YTHDC1: variants seen among roughly 807,000 people sequenced by gnomAD.
YTHDC1 encodes the protein YTH domain-containing protein 1.
YTHDC1 carries 12 observed loss-of-function variants against 107.0 expected under a neutral mutation model. The ratio of observed to expected loss-of-function variants is 0.11; its 90% confidence interval spans 0.07 to 0.18. The LOEUF (loss-of-function observed/expected upper bound fraction) is 0.18, where lower values mean the gene tolerates loss of function less well. Among genes scored for constraint, YTHDC1 ranks in the 10% least tolerant of loss-of-function variants. YTHDC1 has a pLI of 1.00. For synonymous variants in YTHDC1, 280 were observed against 289.5 expected (o/e 0.97, Z 0.33); for missense variants, 635 against 898.8 (o/e 0.71, Z 3.75).
At chr4:68,344,032 G>C (rs956218107) in intron 1 of YTHDC1, 6 of 152,004 alleles carry the variant, frequency 3.9e-5, no homozygotes, top group African/African-American at 1.5e-4. Flanking sequence ...TTGATTATTA[G>C]GGGCCCAGAT....
At chr4:68,333,039 T>G (rs556141508) in intron 5 of YTHDC1, among the ~76,000 whole-genome samples, 192 bp from the exon 6 acceptor site, 1 of 152,216 alleles carries the variant, frequency 6.6e-6, no homozygotes, top group East Asian at 1.9e-4. Context: ...TTTAAAAGTA[T>G]GTATATTTGA....
chr4:68,333,173 G>A (rs1368183605), intron 5 of YTHDC1, 135 bp downstream of exon 5: 6 of 660,718 alleles, frequency 9.1e-6, no homozygotes, highest in Non-Finnish European at 1.3e-5. Flanking sequence ...GTTTTCTCTA[G>A]AATTATTACA....
At chr4:68,328,601 T>C (rs950304276) in intron 9 of YTHDC1, among the ~76,000 whole-genome samples, 4 of 152,212 alleles carry the variant, frequency 2.6e-5, no homozygotes, top group Non-Finnish European at 5.9e-5. Context: ...AACTATAATT[T>C]AACTAATTTT....
chr4:68,337,833 A>T lies in YTHDC1; in HGVS notation c.198T>A (p.Ser66=), dbSNP rs10213623. The stretch of plus-strand genomic sequence containing the variant: ...TCAGTGGCTTAGAAACCAGTTGTCT[A>T]GAATGGACAGAAGGCTTTTGTCGTT... ...DTKRQKPSVH[S]RQLVSKPLSS... is the part of the protein sequence containing the mutation. Residue 66 remains serine, a synonymous_variant, in exon 3 of 17, where the codon TCT becomes TCA. Transcript: ENST00000344157. The T allele has an allele frequency of 1, 1,612,230 of 1,614,066 alleles. 805,213 individuals are homozygous for T. Among genetic ancestry groups the T allele is most frequent in the East Asian group, 1 (44,878 of 44,878 alleles).
In YTHDC1 at chr4:68,349,750, C is replaced by G. The variant is rs765677771; in HGVS notation, c.4G>C (p.Ala2Pro). The G allele has an allele frequency of 1.2e-6, 2 of 1,613,570 alleles. No homozygotes were observed. Among genetic ancestry groups the G allele is most frequent in the Non-Finnish European group, 1.7e-6 (2 of 1,179,828 alleles). The change falls in exon 1 of 17, where the codon GCG (alanine) becomes CCG (proline). Residue 2 changes from alanine (A) to proline (P), a missense_variant. Physicochemically the swap from Ala to Pro is conservative, Grantham distance 27. Transcript: ENST00000344157. M[A>P]ADSREEKDGE... ...CCTTTCTCCTCCCGACTGTCAGCCG[C>G]CATGGCTCCCCTTCGGTTTCCGCCG...
At position 68,349,721 on chromosome 4, in the gene YTHDC1, C is replaced by A; in HGVS notation, c.28+5G>T. ...CCTCGGCCCGTCATCTTTCTCCGCA[C>A]TAACCTTTCTCCTCCCGACTGTCAG... On this transcript the variant is annotated splice_donor_5th_base_variant and intron_variant, in intron 1 of 16. Coordinates refer to ENST00000344157, the MANE Select transcript of YTHDC1 (RefSeq NM_001031732.4). 6.2e-7 allele frequency: 1 copy of A among 1,612,886 alleles called. No homozygotes were observed. Among genetic ancestry groups the A allele is most frequent in the Non-Finnish European group, 8.5e-7 (1 of 1,179,640 alleles).
chr4:68,335,820 A>C (rs1207189023), intron 4 of YTHDC1, among the ~76,000 whole-genome samples: 1 of 151,430 alleles, frequency 6.6e-6, no homozygotes, highest in Non-Finnish European at 1.5e-5. Context: ...CAACAAATCC[A>C]ACTACTCATC....
In YTHDC1 at chr4:68,327,743, C is replaced by G. The variant is rs1434534254; in HGVS notation, c.1349+2259G>C. ...TATTAAATTTAAATGTTCTGAGACT[C>G]AAATGTAATTCTCACTATATAGAGA... On this transcript the variant is annotated intron_variant, in intron 9 of 16. Transcript: ENST00000344157. Among the ~76,000 whole-genome samples the G allele has an allele frequency of 2.0e-5, 3 of 152,188 alleles. No individual in the cohort carries two copies. In the East Asian group the frequency reaches 5.8e-4, roughly 29 times the overall value.
intron 6 of YTHDC1, 84 bp from the exon 7 acceptor site, chr4:68,332,281 C>T (rs1299408473): frequency 1.2e-6 from 1 of 806,446 alleles, no homozygotes; most frequent in East Asian, 2.8e-5. Context: ...GAAATTAGCC[C>T]TCCACAACCC....
At chr4:68,338,756 A>T (rs1015474812) in intron 1 of YTHDC1, among the ~76,000 whole-genome samples, 10 of 152,204 alleles carry the variant, frequency 6.6e-5, no homozygotes, top group African/African-American at 1.9e-4. Context: ...AGGCTCAGGG[A>T]CAAGAATCAC....
intron 7 of YTHDC1, among the ~76,000 whole-genome samples, 196 bp from the exon 8 acceptor site, chr4:68,330,506 A>T (rs1723453306): frequency 6.6e-6 from 1 of 152,160 alleles, no homozygotes; most frequent in Non-Finnish European, 1.5e-5. Flanking sequence ...AATGGAGACA[A>T]TTACCAATTT....
intron 1 of YTHDC1, among the ~76,000 whole-genome samples, chr4:68,346,039 G>C (rs1053891345): frequency 6.7e-6 from 1 of 150,114 alleles, no homozygotes. Flanking sequence ...TTGTGTGCAC[G>C]TGACTGTGTG....
chr4:68,339,208 A>G (rs988502235), intron 1 of YTHDC1, among the ~76,000 whole-genome samples: 2 of 152,212 alleles, frequency 1.3e-5, no homozygotes, highest in African/African-American at 4.8e-5. Flanking sequence ...GACCTCCTGT[A>G]ACAATGCTCT....
At position 68,318,816 on chromosome 4, in the gene YTHDC1, C is replaced by CCCGACTTTT; in HGVS notation, c.1721+9_1721+10insAAAAGTCGG. On this transcript the variant is annotated intron_variant, in intron 13 of 16. Transcript: ENST00000344157. ...TAATTCAAAACTAGGCAAGAGTGAA[C>CCCGACTTTT]CCGACTTACCTGTCCACTTCCTGGT... is the stretch of plus-strand genomic sequence containing the variant. The CCCGACTTTT allele has an allele frequency of 2.5e-6, 4 of 1,614,076 alleles. No individual in the cohort carries two copies. The highest frequency in any genetic ancestry group is 3.4e-6 in the Non-Finnish European group (4 of 1,179,984).
chr4:68,341,565 T>C (rs1724803884), intron 1 of YTHDC1, among the ~76,000 whole-genome samples: 1 of 151,938 alleles, frequency 6.6e-6, no homozygotes, highest in South Asian at 2.1e-4. Flanking sequence ...GGTTTTTACG[T>C]TTTTAAGGCG....
At chr4:68,318,124 G>A (rs115892907) in intron 15 of YTHDC1, among the ~76,000 whole-genome samples, 2,064 of 152,266 alleles carry the variant, frequency 0.014, 30 homozygotes, top group South Asian at 0.029. Context: ...TTGAGATGGA[G>A]TCTCCCTCTG....
At chr4:68,320,250 G>C (rs759664113) in intron 11 of YTHDC1, 45 bp from the exon 12 acceptor site, 15 of 1,387,282 alleles carry the variant, frequency 1.1e-5, no homozygotes, top group South Asian at 1.2e-5. Context: ...AAACTGCTGG[G>C]AGAACAAAGA....
chr4:68,322,660 A>T lies in YTHDC1; in HGVS notation c.1601+89T>A, dbSNP rs1722557831. The stretch of plus-strand genomic sequence containing the variant: ...TTTGAGGATTTTCTCTTTCTTCTTT[A>T]CCGCAGGACAAACTTTTGACGAATC... On this transcript the variant is annotated intron_variant, in intron 11 of 16. Transcript: ENST00000344157. The surrounding 1 kb of genome is among the most constrained non-coding windows in gnomAD (Gnocchi z 4.8). The T allele has an allele frequency of 2.1e-6, 3 of 1,439,178 alleles. No homozygotes were observed. Among genetic ancestry groups the T allele is most frequent in the Non-Finnish European group, 2.8e-6 (3 of 1,070,690 alleles). 89.2% of individuals were successfully genotyped at this position (1,439,178 alleles called of 1,614,324 possible).
At chr4:68,332,465 T>C (rs761935026) in intron 6 of YTHDC1, among the ~76,000 whole-genome samples, 13 of 152,106 alleles carry the variant, frequency 8.5e-5, no homozygotes, top group East Asian at 1.9e-4. Context: ...CCAAGTTTTA[T>C]AGATTTTCTT....
Sources: gnomAD v4.1 joint callset for allele counts (sites outside exome capture counted in the v4.1 genomes callset) on GRCh38, gnomAD v4.1.1 for gene constraint, Gnocchi (gnomAD v3.1) non-coding constraint, MANE v1.5 for transcripts, NCBI Gene and HGNC (gene_info 2026-07-23, HGNC 2026-07-21) for gene names.